SMG1: variants seen among roughly 807,000 people sequenced by gnomAD.
The protein encoded by SMG1 is SMG1 nonsense mediated mRNA decay associated PI3K related kinase, also known as serine/threonine-protein kinase SMG1.
Under a neutral mutation model 419.9 loss-of-function variants are expected in SMG1, and 22 were observed. That is an observed-to-expected ratio of 0.05 (90% CI 0.04 to 0.07). The LOEUF (loss-of-function observed/expected upper bound fraction) is 0.07. SMG1 is among the 10% of genes least tolerant of loss of function. The pLI, the probability that SMG1 is intolerant of heterozygous loss-of-function variation, is 1.00. For missense variants in SMG1, 3,185 were observed against 4,342.0 expected (o/e 0.73, Z 7.49); for synonymous variants, 1,538 against 1,553.5 (o/e 0.99, Z 0.23).
chr16:18,848,045 T>C lies in SMG1; in HGVS notation c.5624-12A>G, dbSNP rs191838183. The C allele has an allele frequency of 8.8e-5, 140 of 1,598,836 alleles. No individual in the cohort carries two copies. The East Asian group carries it at 2.7e-3, about 31-fold the overall frequency. ...GGAAAATTTATTTCCTGTAATGAAA[T>C]AGGAGAACAAGGAATATTTTGAACA... On this transcript the variant is annotated splice_polypyrimidine_tract_variant and intron_variant, in intron 36 of 62. Coordinates refer to ENST00000446231, the MANE Select transcript of SMG1 (RefSeq NM_015092.5).
At chr16:18,904,905 A>T (rs557754646) in intron 1 of SMG1, among the ~76,000 whole-genome samples, 1 of 152,218 alleles carries the variant, frequency 6.6e-6, no homozygotes, top group East Asian at 1.9e-4. Context: ...ACTGCATTCC[A>T]GCCTGGGCAA....
chr16:18,859,829 C>G, intron 26 of SMG1, 126 bp from the exon 27 acceptor site: 1 of 618,762 alleles, frequency 1.6e-6, no homozygotes, highest in Non-Finnish European at 2.9e-6. Context: ...CAGTTAAACA[C>G]TATAAGCATT....
intron 1 of SMG1, among the ~76,000 whole-genome samples, chr16:18,912,980 G>T (rs1407531289): frequency 6.6e-6 from 1 of 151,982 alleles, no homozygotes; most frequent in Admixed American, 6.6e-5. Flanking sequence ...AGAATCCCAG[G>T]ATTTGTTTTC....
Position 18,880,092 on chromosome 16 carries a change from T to C in SMG1, c.1294-373A>G, listed in dbSNP as rs1156749647. Among the ~76,000 whole-genome samples, 5 of 152,226 alleles carry C rather than the reference T, an allele frequency of 3.3e-5. No individual in the cohort carries two copies. The East Asian group carries it at 7.7e-4, about 23-fold the overall frequency. On this transcript the variant is annotated intron_variant, in intron 10 of 62. Transcript: ENST00000446231. ...ATGGGAATAGCCTGCCCACACATAC[T>C]ACAAGCTAGCTCTTGGGCTTTTGGG...
chr16:18,819,408 C>T (rs1225831749), intron 56 of SMG1, 94 bp downstream of exon 56: 2 of 1,398,356 alleles, frequency 1.4e-6, no homozygotes, highest in Non-Finnish European at 2.0e-6. Context: ...AACGTGGGCT[C>T]TCAAGCTCCC....
At chr16:18,898,932 G>C (rs1229748548) in intron 1 of SMG1, among the ~76,000 whole-genome samples, 1 of 152,132 alleles carries the variant, frequency 6.6e-6, no homozygotes, top group East Asian at 1.9e-4. Context: ...CAAATTACTT[G>C]ATCTCCAAGC....
At chr16:18,874,542 G>A (rs1010200092) in intron 13 of SMG1, among the ~76,000 whole-genome samples, 8 of 143,220 alleles carry the variant, frequency 5.6e-5, no homozygotes, top group Non-Finnish European at 1.2e-4. Flanking sequence ...ATCAAGAGCA[G>A]GGCCATGTCG....
intron 7 of SMG1, 92 bp downstream of exon 7, chr16:18,885,449 T>A: frequency 6.8e-7 from 1 of 1,473,198 alleles, no homozygotes; most frequent in Non-Finnish European, 9.4e-7. Flanking sequence ...TCAAAGGAGC[T>A]GAGGCATTGT....
chr16:18,830,425 G>C (rs905459380), intron 51 of SMG1, 56 bp from the exon 52 acceptor site: 22 of 1,573,756 alleles, frequency 1.4e-5, no homozygotes, highest in South Asian at 2.2e-5. Context: ...CCTTTGGTGG[G>C]AACATACAAA....
chr16:18,850,518 G>A (rs999091570), intron 33 of SMG1, 51 bp from the exon 34 acceptor site: 3 of 1,280,358 alleles, frequency 2.3e-6, no homozygotes, highest in African/African-American at 1.5e-5. Flanking sequence ...ACTGAAAAGG[G>A]AAAAAGGTAT....
intron 22 of SMG1, among the ~76,000 whole-genome samples, chr16:18,867,516 T>C (rs966110333): frequency 4.0e-4 from 57 of 143,632 alleles, no homozygotes; most frequent in African/African-American, 1.5e-3. Context: ...AAAGTGAAAC[T>C]GTGTCTCAAA....
chr16:18,867,273 C>T (rs1447949890), intron 22 of SMG1, among the ~76,000 whole-genome samples: 1 of 152,110 alleles, frequency 6.6e-6, no homozygotes, highest in African/African-American at 2.4e-5. Context: ...GTAGCTCATG[C>T]CTGTAATCCC....
chr16:18,882,988 T>G (rs897158379), intron 9 of SMG1, among the ~76,000 whole-genome samples: 7 of 152,108 alleles, frequency 4.6e-5, no homozygotes, highest in Admixed American at 2.0e-4. Flanking sequence ...GCTTTAAACG[T>G]GGGCTGTGAA....
chr16:18,909,600 T>G (rs1453256461), intron 1 of SMG1, among the ~76,000 whole-genome samples: 1 of 152,116 alleles, frequency 6.6e-6, no homozygotes, highest in African/African-American at 2.4e-5. Flanking sequence ...AATAAAAAAT[T>G]TTAAACGTCA....
rs2031156684 is a variant in SMG1 at position 18,809,384 on chromosome 16, G to A, written c.*185C>T. 12 of 589,434 alleles carry A rather than the reference G, an allele frequency of 2.0e-5. No individual in the cohort carries two copies. The highest frequency in any genetic ancestry group is 1.2e-4 in the South Asian group (6 of 48,446). 36.5% of individuals were successfully genotyped at this position (589,434 alleles called of 1,614,324 possible). On this transcript the variant is annotated 3_prime_UTR_variant, in exon 63 of 63. Transcript: ENST00000446231. ...GGGGTTGCAGGCCATGGTGTTGGGC[G>A]TATCCCTGAGTGCAGCTGTCCTGCG...
Position 18,877,235 on chromosome 16 carries a change from A to G in SMG1, c.1519-3T>C, listed in dbSNP as rs1360638776. The G allele has an allele frequency of 6.6e-7, 1 of 1,517,238 alleles. No individual in the cohort carries two copies. The highest frequency in any genetic ancestry group is 8.8e-7 in the Non-Finnish European group (1 of 1,131,662). 94.0% of individuals were successfully genotyped at this position (1,517,238 alleles called of 1,614,324 possible). On this transcript the variant is annotated splice_polypyrimidine_tract_variant and splice_region_variant and intron_variant, in intron 11 of 62. Transcript: ENST00000446231. ...TTCGTATTTATCTGTTCAACAATCTAAAAGAATAAAATTTTTAAAAAATGA... is the reference window on the plus strand; with the variant it reads ...TTCGTATTTATCTGTTCAACAATCTGAAAGAATAAAATTTTTAAAAAATGA...
At chr16:18,877,524 T>C (rs8054835) in intron 11 of SMG1, 11,130 of 248,648 alleles carry the variant, frequency 0.045, 1,197 homozygotes, top group African/African-American at 0.23. Context: ...ATACTGGTAA[T>C]AGGGGATACA....
chr16:18,829,203 C>A (rs1000110096), intron 54 of SMG1, 83 bp downstream of exon 54: 1 of 1,217,674 alleles, frequency 8.2e-7, no homozygotes, highest in Admixed American at 2.8e-5. Flanking sequence ...AAAAAAATTT[C>A]TGTGTATTGT....
chr16:18,838,507 A>G (rs1327769379), intron 43 of SMG1, 41 bp from the exon 44 acceptor site: 1 of 1,613,886 alleles, frequency 6.2e-7, no homozygotes, highest in Non-Finnish European at 8.5e-7. Context: ...CTTTCACCAA[A>G]AAACATTTGG....
Sources: allele counts gnomAD v4.1 joint callset (sites outside exome capture counted in the v4.1 genomes callset), GRCh38; gene constraint gnomAD v4.1.1; transcripts MANE v1.5; gene names NCBI Gene and HGNC (gene_info 2026-07-23, HGNC 2026-07-21).